POC1A: variants seen among roughly 807,000 people sequenced by gnomAD.
POC1A encodes the protein POC1 centriolar protein A.
A neutral mutation model predicts 47.8 loss-of-function variants in POC1A; 34 were observed. That is an observed-to-expected ratio of 0.71 (90% CI 0.54 to 0.95). The LOEUF (loss-of-function observed/expected upper bound fraction) is 0.95. POC1A is among the 40% of genes least tolerant of loss of function. POC1A has a pLI of 0.00. For synonymous variants in POC1A, 177 were observed against 207.6 expected (o/e 0.85, Z 1.27); for missense variants, 466 against 528.3 (o/e 0.88, Z 1.16).
chr3:52,098,723 G>T (rs573214171), intron 9 of POC1A, among the ~76,000 whole-genome samples: 45 of 152,146 alleles, frequency 3.0e-4, no homozygotes, highest in African/African-American at 1.0e-3. Flanking sequence ...CTGCCTCCTT[G>T]CCCACTCCCA....
At chr3:52,098,514 A>G (rs1364742177) in intron 9 of POC1A, among the ~76,000 whole-genome samples, 1 of 152,226 alleles carries the variant, frequency 6.6e-6, no homozygotes, top group African/African-American at 2.4e-5. Flanking sequence ...AGGGAGTATT[A>G]AAGACAGCGG....
intron 10 of POC1A, among the ~76,000 whole-genome samples, chr3:52,088,717 C>T (rs1336896976): frequency 6.6e-6 from 1 of 151,918 alleles, no homozygotes; most frequent in Admixed American, 6.6e-5. Context: ...CCCAGGTCCC[C>T]GAGGAGCAAG....
chr3:52,092,840 C>T (rs1290960679), intron 10 of POC1A, among the ~76,000 whole-genome samples: 2 of 152,218 alleles, frequency 1.3e-5, no homozygotes, highest in Non-Finnish European at 2.9e-5. Flanking sequence ...TGATGCTGTG[C>T]AAGTCCCAAG....
At position 52,075,849 on chromosome 3, in the gene POC1A, C is replaced by T. The variant is rs374255325; in HGVS notation, c.*38G>A. The T allele has an allele frequency of 4.8e-5, 71 of 1,484,914 alleles. No individual in the cohort carries two copies. Among genetic ancestry groups the T allele is most frequent in the Non-Finnish European group, 6.6e-5 (70 of 1,063,190 alleles). The allele number at this position is 1,484,914 out of a possible 1,614,324, so 92.0% of individuals were successfully genotyped here. ...ATGGTACAAATCCCTGGCCTGCCACCTGCAAATCCACCGAGCTCCTGATTC... is the reference window on the plus strand; with the variant it reads ...ATGGTACAAATCCCTGGCCTGCCACTTGCAAATCCACCGAGCTCCTGATTC... On this transcript the variant is annotated 3_prime_UTR_variant, in exon 11 of 11. Transcript: ENST00000296484.
At chr3:52,096,824 G>T in intron 9 of POC1A, 112 bp from the exon 10 acceptor site, 1 of 980,682 alleles carries the variant, frequency 1.0e-6, no homozygotes, top group East Asian at 2.7e-5. Flanking sequence ...AATTTGAGAA[G>T]GTAAGCTCCA....
At chr3:52,109,821 C>T (rs1703319362) in intron 9 of POC1A, among the ~76,000 whole-genome samples, 1 of 152,160 alleles carries the variant, frequency 6.6e-6, no homozygotes, top group Non-Finnish European at 1.5e-5. Flanking sequence ...AGAACATAAA[C>T]ACAAGCACTA....
chr3:52,110,910 G>A (rs541339299), intron 9 of POC1A, among the ~76,000 whole-genome samples: 1 of 152,354 alleles, frequency 6.6e-6, no homozygotes, highest in South Asian at 2.1e-4. Context: ...ACCCAAAACA[G>A]TTCTGGAACT....
intron 10 of POC1A, among the ~76,000 whole-genome samples, chr3:52,088,398 G>A (rs1031776199): frequency 6.6e-6 from 1 of 152,194 alleles, no homozygotes; most frequent in Non-Finnish European, 1.5e-5. Flanking sequence ...TAAGTTCAAG[G>A]CTTCCTGTGC....
chr3:52,125,193 A>G lies in POC1A; in HGVS notation c.814-12T>C. 6.2e-7 allele frequency: 1 copy of G among 1,600,872 alleles called. No individual in the cohort carries two copies. Among genetic ancestry groups the G allele is most frequent in the Non-Finnish European group, 8.6e-7 (1 of 1,168,754 alleles). On this transcript the variant is annotated splice_polypyrimidine_tract_variant and intron_variant, in intron 7 of 10. Coordinates refer to ENST00000296484, the MANE Select transcript of POC1A (RefSeq NM_015426.5). The stretch of plus-strand genomic sequence containing the variant: ...GTGGTGGCTGGTCCCTGGCAGAACA[A>G]ACAAAAAATAACACACATCAAAGGT...
At chr3:52,125,365 C>G (rs910134170) in intron 7 of POC1A, among the ~76,000 whole-genome samples, 184 bp from the exon 8 acceptor site, 1 of 152,166 alleles carries the variant, frequency 6.6e-6, no homozygotes, top group East Asian at 1.9e-4. Flanking sequence ...CAAGCACCAC[C>G]GCTCAGGCTT....
At chr3:52,142,541 G>A (rs1479072817) in intron 6 of POC1A, among the ~76,000 whole-genome samples, 2 of 152,220 alleles carry the variant, frequency 1.3e-5, no homozygotes, top group Non-Finnish European at 2.9e-5. Flanking sequence ...TGGACGGCTG[G>A]ATGCAGGCAG....
intron 10 of POC1A, among the ~76,000 whole-genome samples, chr3:52,088,062 T>C (rs1008486500): frequency 6.6e-6 from 1 of 152,172 alleles, no homozygotes; most frequent in Non-Finnish European, 1.5e-5. Flanking sequence ...CAACAATCCA[T>C]ATAAAGTAGT....
rs990637489 is a variant in POC1A at position 52,134,611 on chromosome 3, G to A, written c.813+3558C>T. 3.9e-5 allele frequency among the ~76,000 whole-genome samples: 6 copies of A among 152,236 alleles called. No individual in the cohort carries two copies. The South Asian group carries it at 1.2e-3, about 32-fold the overall frequency. ...CGCACCACTGCACTCCAGCCTGGGC[G>A]ACAGGGCGAAACTGTCTCTGAATGA... On this transcript the variant is annotated intron_variant, in intron 7 of 10. Transcript: ENST00000296484.
intron 9 of POC1A, among the ~76,000 whole-genome samples, chr3:52,113,867 C>T (rs1264280527): frequency 2.0e-5 from 3 of 152,210 alleles, no homozygotes; most frequent in African/African-American, 4.8e-5. Flanking sequence ...GAAAATGCAA[C>T]CCGAGTATGA....
chr3:52,095,971 C>G (rs1479028828), intron 10 of POC1A, among the ~76,000 whole-genome samples: 2 of 152,272 alleles, frequency 1.3e-5, no homozygotes, highest in Non-Finnish European at 2.9e-5. Context: ...CGAGGGTGGT[C>G]AGGGCCACAA....
intron 7 of POC1A, among the ~76,000 whole-genome samples, chr3:52,133,150 G>A (rs1441055396): frequency 6.6e-6 from 1 of 152,130 alleles, no homozygotes; most frequent in African/African-American, 2.4e-5. Flanking sequence ...CTCATGAAGG[G>A]GATTAGGTGC....
At chr3:52,085,615 G>T (rs947033423) in intron 10 of POC1A, among the ~76,000 whole-genome samples, 2 of 152,146 alleles carry the variant, frequency 1.3e-5, no homozygotes, top group Non-Finnish European at 2.9e-5. Flanking sequence ...CCCCTCATGG[G>T]TGTGGGCCCT....
Position 52,105,877 on chromosome 3 carries a change from G to A in POC1A, c.982-9165C>T, listed in dbSNP as rs140820974. ...TTTCACATTCCCCATGCCAGACTGC[G>A]AGTAGGGAAGGTGCTAGGTCATTTT... On this transcript the variant is annotated intron_variant, in intron 9 of 10. Transcript: ENST00000296484. Among the ~76,000 whole-genome samples the A allele has an allele frequency of 8.6e-3, 1,316 of 152,314 alleles. 24 individuals carry two copies. Among genetic ancestry groups the A allele is most frequent in the African/African-American group, 0.03 (1,265 of 41,558 alleles).
At chr3:52,141,280 C>T (rs1048988150) in intron 6 of POC1A, among the ~76,000 whole-genome samples, 16 of 152,246 alleles carry the variant, frequency 1.1e-4, no homozygotes, top group Admixed American at 9.8e-4. Flanking sequence ...AGGCCCACTA[C>T]CTAACGGGCT....
Sources: allele counts gnomAD v4.1 joint callset (sites outside exome capture counted in the v4.1 genomes callset), GRCh38; gene constraint gnomAD v4.1.1; transcripts MANE v1.5; gene names NCBI Gene and HGNC (gene_info 2026-07-23, HGNC 2026-07-21).